Variants in CACNA1B observed in about 807,000 individuals in gnomAD.
The protein encoded by CACNA1B is calcium voltage-gated channel subunit alpha1 B.
A neutral mutation model predicts 247.2 loss-of-function variants in CACNA1B; 70 were observed. That is an observed-to-expected ratio of 0.28 (90% CI 0.23 to 0.35). The LOEUF is 0.35. Among genes scored for constraint, CACNA1B ranks in the 10% least tolerant of loss-of-function variants. The probability of loss-of-function intolerance (pLI) is 1.00; values close to 1 mark genes in which losing one functional copy is unlikely to be tolerated. For missense variants in CACNA1B, 2,367 were observed against 3,197.4 expected, an observed-to-expected ratio of 0.74 and a Z score of 6.26; for synonymous variants, 1,231 against 1,294.4, an observed-to-expected ratio of 0.95 and a Z score of 1.05.
At chr9:137,956,079 C>T (rs1957944128) in intron 8 of CACNA1B, among the ~76,000 whole-genome samples, 1 of 152,232 alleles carries the variant, frequency 6.6e-6, no homozygotes, top group African/African-American at 2.4e-5. Context: ...TTAGTGTCAG[C>T]CAAGTCCCTT....
chr9:138,022,321 CA>C (rs763465886), intron 18 of CACNA1B, among the ~76,000 whole-genome samples: 1 of 152,188 alleles, frequency 6.6e-6, no homozygotes, highest in Non-Finnish European at 1.5e-5. Flanking sequence ...GTCACTGAGC[CA>C]GGGGGCAGCT....
intron 6 of CACNA1B, among the ~76,000 whole-genome samples, chr9:137,951,477 G>A (rs535148297): frequency 2.8e-4 from 42 of 152,338 alleles, no homozygotes; most frequent in African/African-American, 9.1e-4. Context: ...TCTGAAGAGA[G>A]GCGTCCAGGA....
At position 138,100,539 on chromosome 9, in the gene CACNA1B, A is replaced by G. The variant is rs1426734161; in HGVS notation, c.5223-2172A>G. ...TCCCTTTTACAGAAGGAAATTCAAC[A>G]TGATTTGGAGCTGATTGGACCGAGG... is the stretch of plus-strand genomic sequence containing the variant. On this transcript the variant is annotated intron_variant, in intron 37 of 46. Transcript: ENST00000371372. This position sits in a 1 kb window ranked among gnomAD's most constrained non-coding sequence, Gnocchi z 4.6. Among the ~76,000 whole-genome samples, 2 of 152,118 alleles carry G rather than the reference A, an allele frequency of 1.3e-5. No homozygotes were observed. The highest frequency in any genetic ancestry group is 4.8e-5 in the African/African-American group (2 of 41,418).
At chr9:137,883,427 G>A (rs1280508346) in intron 3 of CACNA1B, among the ~76,000 whole-genome samples, 41 of 152,274 alleles carry the variant, frequency 2.7e-4, no homozygotes, top group African/African-American at 7.7e-4. Context: ...AAGGTGCTTC[G>A]GCAGTTTCTC....
intron 10 of CACNA1B, among the ~76,000 whole-genome samples, chr9:137,960,172 CGGGG>C (rs1233548957): frequency 3.1e-3 from 30 of 9,710 alleles, no homozygotes; most frequent in Admixed American, 8.8e-3. Flanking sequence ...ACGTGTGTGG[CGGGG>C]AGGGAAAGTT....
At chr9:138,009,166 G>T (rs1356409609) in intron 16 of CACNA1B, among the ~76,000 whole-genome samples, 1 of 152,222 alleles carries the variant, frequency 6.6e-6, no homozygotes, top group Non-Finnish European at 1.5e-5. Flanking sequence ...TGAGAAGGAG[G>T]CCGCACACCC....
In CACNA1B at chr9:137,952,081, G is replaced by A. The variant is rs1957883568; in HGVS notation, c.967-193G>A. On this transcript the variant is annotated intron_variant, in intron 6 of 46. Coordinates refer to ENST00000371372, the MANE Select transcript of CACNA1B (RefSeq NM_000718.4). This position sits in a 1 kb window ranked among gnomAD's most constrained non-coding sequence, Gnocchi z 4.8. ...GTCCAGAGAGAACTCTGCCAGCAAG[G>A]GCACGTCTGCCTGTGGGTGCTGCCT... Among the ~76,000 whole-genome samples the A allele has an allele frequency of 6.6e-6, 1 of 152,112 alleles. No individual in the cohort carries two copies. The highest frequency in any genetic ancestry group is 1.5e-5 in the Non-Finnish European group (1 of 68,016).
intron 35 of CACNA1B, among the ~76,000 whole-genome samples, chr9:138,076,997 A>T (rs919662669): frequency 3.9e-5 from 6 of 152,144 alleles, no homozygotes; most frequent in African/African-American, 1.4e-4. Flanking sequence ...CTCATCATTT[A>T]TTACTATTCT....
At chr9:137,958,349 A>T (rs753180205) in intron 10 of CACNA1B, among the ~76,000 whole-genome samples, 2 of 152,216 alleles carry the variant, frequency 1.3e-5, no homozygotes, top group Non-Finnish European at 2.9e-5. Context: ...TGCTCACCTC[A>T]GATAACACAC....
intron 36 of CACNA1B, among the ~76,000 whole-genome samples, chr9:138,086,325 G>A (rs1446170747): frequency 6.6e-6 from 1 of 151,258 alleles, no homozygotes; most frequent in Admixed American, 6.6e-5. Context: ...TTGAGCAGGA[G>A]TGCTATACTT....
At chr9:138,005,137 A>C (rs1022833293) in intron 15 of CACNA1B, among the ~76,000 whole-genome samples, 1 of 152,248 alleles carries the variant, frequency 6.6e-6, no homozygotes, top group African/African-American at 2.4e-5. Flanking sequence ...AAGGAAAGGA[A>C]GTTGGAACAT....
In CACNA1B at chr9:138,050,296, G is replaced by C. The variant is rs1670091779; in HGVS notation, c.3710+981G>C. On this transcript the variant is annotated intron_variant, in intron 24 of 46. Coordinates refer to ENST00000371372, the MANE Select transcript of CACNA1B (RefSeq NM_000718.4). The surrounding 1 kb of genome is among the most constrained non-coding windows in gnomAD (Gnocchi z 5.2). Reference sequence around the variant, plus strand: ...GCTGGGCTGGAGCTGGGCATGGTCAGCCCTTGGTGAGGAGCTTGCTGGTGA... The same window carrying C: ...GCTGGGCTGGAGCTGGGCATGGTCACCCCTTGGTGAGGAGCTTGCTGGTGA... Among the ~76,000 whole-genome samples the C allele has an allele frequency of 1.3e-5, 2 of 152,216 alleles. No homozygotes were observed. The highest frequency in any genetic ancestry group is 2.9e-5 in the Non-Finnish European group (2 of 68,038).
chr9:138,075,736 C>T (rs757440420), intron 34 of CACNA1B, 83 bp from the exon 35 acceptor site: 24 of 859,432 alleles, frequency 2.8e-5, no homozygotes, highest in African/African-American at 8.3e-5. Flanking sequence ...TTGTACGGCT[C>T]GCACGCCCTC....
chr9:138,016,367 G>T (rs905303934), intron 18 of CACNA1B, among the ~76,000 whole-genome samples: 1 of 152,252 alleles, frequency 6.6e-6, no homozygotes, highest in African/African-American at 2.4e-5. Context: ...GGGAGCTTTG[G>T]TTTCTTTCTG....
At chr9:137,985,741 C>T (rs1183684488) in intron 13 of CACNA1B, among the ~76,000 whole-genome samples, 5 of 152,186 alleles carry the variant, frequency 3.3e-5, no homozygotes, top group South Asian at 2.1e-4. Flanking sequence ...CATGAGGGAC[C>T]GGCCCCTCAG....
chr9:138,055,279 G>A (rs906907607), intron 26 of CACNA1B, among the ~76,000 whole-genome samples: 1 of 151,868 alleles, frequency 6.6e-6, no homozygotes, highest in Non-Finnish European at 1.5e-5. Context: ...ACAGGCACGT[G>A]CCACCATGCT....
intron 11 of CACNA1B, among the ~76,000 whole-genome samples, chr9:137,972,569 C>T (rs889527778): frequency 6.6e-6 from 1 of 152,186 alleles, no homozygotes; most frequent in Non-Finnish European, 1.5e-5. Flanking sequence ...CTCTAGCCGG[C>T]CGGCTGAGCC....
rs762639432 is a variant in CACNA1B, at chr9:138,053,836, C to T, written c.3808-10C>T. On this transcript the variant is annotated splice_polypyrimidine_tract_variant and intron_variant, in intron 25 of 46. Coordinates refer to ENST00000371372, the MANE Select transcript of CACNA1B (RefSeq NM_000718.4). ...ACCCCCTCATCATGGCTCCACCCCT[C>T]CTCCTGCAGGCTGTGTTTGACTGTG... 2 of 1,609,786 alleles carry T rather than the reference C, an allele frequency of 1.2e-6. No individual in the cohort carries two copies. Among genetic ancestry groups the T allele is most frequent in the African/African-American group, 1.3e-5 (1 of 74,810 alleles).
intron 3 of CACNA1B, among the ~76,000 whole-genome samples, chr9:137,883,525 C>G (rs1278205531): frequency 2.7e-5 from 4 of 150,930 alleles, no homozygotes; most frequent in African/African-American, 9.7e-5. Context: ...GATGGGAGCT[C>G]AGGTCCAGTG....
Sources: allele counts gnomAD v4.1 joint callset (sites outside exome capture counted in the v4.1 genomes callset), GRCh38; gene constraint gnomAD v4.1.1; non-coding constraint Gnocchi (gnomAD v3.1); transcripts MANE v1.5; gene names NCBI Gene and HGNC (gene_info 2026-07-23, HGNC 2026-07-21).